The following NSUN6 variants were observed in gnomAD, a reference collection of about 807,000 sequenced individuals.
The protein encoded by NSUN6 is tRNA (cytosine(72)-C(5))-methyltransferase NSUN6.
A neutral mutation model predicts 58.0 loss-of-function variants in NSUN6; 64 were observed. The observed-to-expected ratio is 1.10, with a 90% confidence interval of 0.90 to 1.36. The LOEUF (loss-of-function observed/expected upper bound fraction) is 1.36, where lower values mean the gene tolerates loss of function less well. Ranked by LOEUF, NSUN6 falls within the 40% of genes most tolerant of loss-of-function variation. The pLI, the probability that NSUN6 is intolerant of heterozygous loss-of-function variation, is 0.00. For missense variants in NSUN6, 701 were observed against 550.1 expected (o/e 1.27, Z -2.74); for synonymous variants, 231 against 193.9 (o/e 1.19, Z -1.59).
intron 3 of NSUN6, among the ~76,000 whole-genome samples, chr10:18,636,476 C>A (rs996725746): frequency 6.7e-6 from 1 of 150,288 alleles, no homozygotes; most frequent in Non-Finnish European, 1.5e-5. Flanking sequence ...GCCTGGGCAG[C>A]ACAGCAAGAC....
chr10:18,620,229 A>T (rs893066496), intron 3 of NSUN6, among the ~76,000 whole-genome samples: 2 of 152,054 alleles, frequency 1.3e-5, no homozygotes, highest in Non-Finnish European at 2.9e-5. Context: ...CTGAGACTAC[A>T]GGCACCCGCC....
At chr10:18,586,723 T>C (rs1358988152) in intron 7 of NSUN6, among the ~76,000 whole-genome samples, 1 of 152,240 alleles carries the variant, frequency 6.6e-6, no homozygotes, top group African/African-American at 2.4e-5. Flanking sequence ...CAAGATTTAT[T>C]GTGAAGAACG....
At chr10:18,554,337 ATGGAATGGAGAGTGAAC>A (rs966425816) in intron 8 of NSUN6, among the ~76,000 whole-genome samples, 4 of 151,612 alleles carry the variant, frequency 2.6e-5, no homozygotes, top group Non-Finnish European at 5.9e-5. Context: ...GTGGAATGGA[ATGGAATGGAGAGTGAAC>A]TGGAATGGAG....
rs74317943 is a variant in NSUN6, at chr10:18,594,211, A to G, written c.777+1997T>C. On this transcript the variant is annotated intron_variant, in intron 7 of 10. Coordinates refer to ENST00000377304, the MANE Select transcript of NSUN6 (RefSeq NM_182543.5). ...AGCAAGACTCTGAGAAAAAAAAAAAAAAAGAAAGCAAGCCTGGTGACATTC... is the reference window on the plus strand; with the variant it reads ...AGCAAGACTCTGAGAAAAAAAAAAAGAAAGAAAGCAAGCCTGGTGACATTC... 4.8e-4 allele frequency among the ~76,000 whole-genome samples: 73 copies of G among 151,794 alleles called. No individual in the cohort carries two copies. In the East Asian group the frequency reaches 0.013, roughly 26 times the overall value.
rs546003697 is a variant in NSUN6, at chr10:18,609,856, A to C, written c.646T>G (p.Leu216Val). The change falls in exon 6 of 11, where the codon TTA becomes GTA. Residue 216 changes from leucine (L) to valine (V), a missense_variant. Physicochemically the swap from Leu to Val is conservative, Grantham distance 32. Transcript: ENST00000377304. Reference protein sequence around the residue: ...PSFDSVLPRYLFLQNLPSALV... With the variant: ...PSFDSVLPRYVFLQNLPSALV... ...TTATACATACTTACTTGTAAAAATAAGTAACGGGGCAGTACACTGTCAAAT... is the reference window on the plus strand; with the variant it reads ...TTATACATACTTACTTGTAAAAATACGTAACGGGGCAGTACACTGTCAAAT... The C allele has an allele frequency of 6.4e-7, 1 of 1,559,786 alleles. No individual in the cohort carries two copies. Among genetic ancestry groups the C allele is most frequent in the African/African-American group, 1.4e-5 (1 of 73,924 alleles).
chr10:18,614,060 T>A (rs1268711893), intron 5 of NSUN6, among the ~76,000 whole-genome samples: 1 of 152,148 alleles, frequency 6.6e-6, no homozygotes. Flanking sequence ...AAAATTTATT[T>A]TTAATTAAAA....
chr10:18,548,328 T>C (rs2054411270), intron 9 of NSUN6, 91 bp from the exon 10 acceptor site: 5 of 1,121,808 alleles, frequency 4.5e-6, no homozygotes, highest in Non-Finnish European at 6.3e-6. Context: ...GTCTTTCAAA[T>C]GTTTGGGATA....
chr10:18,635,786 C>T (rs541342973), intron 3 of NSUN6, among the ~76,000 whole-genome samples: 3 of 150,756 alleles, frequency 2.0e-5, no homozygotes, highest in East Asian at 3.9e-4. Context: ...TGCAGTGAGC[C>T]GAGATCCTGC....
At chr10:18,601,301 A>AT (rs1162338009) in intron 6 of NSUN6, among the ~76,000 whole-genome samples, 1 of 152,112 alleles carries the variant, frequency 6.6e-6, no homozygotes, top group African/African-American at 2.4e-5. Context: ...ATTTTGAAAC[A>AT]TGCCAAGCAA....
At chr10:18,643,043 A>G (rs1269527993) in intron 2 of NSUN6, among the ~76,000 whole-genome samples, 4 of 151,924 alleles carry the variant, frequency 2.6e-5, no homozygotes, top group Non-Finnish European at 5.9e-5. Context: ...GAACCAGAAG[A>G]TTATCACACT....
At chr10:18,605,041 AC>A (rs2057998373) in intron 6 of NSUN6, among the ~76,000 whole-genome samples, 1 of 151,384 alleles carries the variant, frequency 6.6e-6, no homozygotes, top group South Asian at 2.1e-4. Context: ...GTCCGCCACC[AC>A]GCCCAGCTAA....
chr10:18,630,737 A>C (rs1302232560), intron 3 of NSUN6, among the ~76,000 whole-genome samples: 4 of 152,226 alleles, frequency 2.6e-5, no homozygotes, highest in African/African-American at 4.8e-5. Flanking sequence ...GACCAATAAC[A>C]GGAGCTGAAA....
At chr10:18,563,610 T>TTTTCTATTCCATTCCATTGCA (rs1564725065) in intron 8 of NSUN6, among the ~76,000 whole-genome samples, 1 of 150,860 alleles carries the variant, frequency 6.6e-6, no homozygotes, top group Non-Finnish European at 1.5e-5. Flanking sequence ...ATTCCATTGC[T>TTTTCTATTCCATTCCATTGCA]TTTTCTATTC....
chr10:18,596,932 C>T (rs1323454223), intron 6 of NSUN6, among the ~76,000 whole-genome samples: 2 of 151,970 alleles, frequency 1.3e-5, no homozygotes, highest in Non-Finnish European at 2.9e-5. Context: ...CCATTTTGGC[C>T]GCCTCATCAT....
In NSUN6 at chr10:18,548,337, T is replaced by C. The variant is rs961593575; in HGVS notation, c.1072-100A>G. Reference sequence around the variant, plus strand: ...TATAATGTCTTTCAAATGTTTGGGATAAATAAAATGATGTTCTATGTGACA... The same window carrying C: ...TATAATGTCTTTCAAATGTTTGGGACAAATAAAATGATGTTCTATGTGACA... On this transcript the variant is annotated intron_variant, in intron 9 of 10. Coordinates refer to ENST00000377304, the MANE Select transcript of NSUN6 (RefSeq NM_182543.5). 34 of 1,053,882 alleles carry C rather than the reference T, an allele frequency of 3.2e-5. No individual in the cohort carries two copies. In the African/African-American group the frequency reaches 4.8e-4, roughly 15 times the overall value. The allele number at this position is 1,053,882 out of a possible 1,614,324, so 65.3% of individuals were successfully genotyped here.
intron 8 of NSUN6, among the ~76,000 whole-genome samples, chr10:18,580,902 G>C (rs1474085978): frequency 6.6e-6 from 1 of 152,218 alleles, no homozygotes; most frequent in Non-Finnish European, 1.5e-5. Flanking sequence ...AGTGATCTTG[G>C]TTGAGGCAAA....
intron 8 of NSUN6, among the ~76,000 whole-genome samples, chr10:18,554,891 T>C (rs1213334077): frequency 6.9e-6 from 1 of 145,510 alleles, no homozygotes; most frequent in African/African-American, 2.5e-5. Flanking sequence ...TAATGGAGAA[T>C]GGAATGGAAT....
intron 1 of NSUN6, among the ~76,000 whole-genome samples, chr10:18,649,863 T>C (rs1354158656): frequency 3.3e-5 from 5 of 152,198 alleles, no homozygotes; most frequent in African/African-American, 9.6e-5. Flanking sequence ...TTTAAGTCCC[T>C]TGAAATCAAC....
intron 1 of NSUN6, 102 bp downstream of exon 1, chr10:18,651,027 G>A: frequency 1.4e-6 from 2 of 1,398,076 alleles, no homozygotes; most frequent in African/African-American, 1.5e-5. Flanking sequence ...AGTAAGGAAC[G>A]ACGGCTGTCA....
Sources: allele counts gnomAD v4.1 joint callset (sites outside exome capture counted in the v4.1 genomes callset), GRCh38; gene constraint gnomAD v4.1.1; transcripts MANE v1.5; gene names NCBI Gene and HGNC (gene_info 2026-07-23, HGNC 2026-07-21).